The following ATP7A variants were observed in gnomAD, a reference collection of about 807,000 sequenced individuals.
ATP7A encodes the protein copper-transporting ATPase 1.
In ATP7A, 7 loss-of-function variants were observed where a neutral mutation model predicts 83.5. The ratio of observed to expected loss-of-function variants is 0.08; its 90% confidence interval spans 0.05 to 0.16. The LOEUF is 0.16. Ranked by LOEUF, ATP7A falls within the 10% of genes least tolerant of loss-of-function variation. The pLI is 1.00. For missense variants in ATP7A, 940 were observed against 1,120.8 expected, an observed-to-expected ratio of 0.84 and a Z score of 2.30; for synonymous variants, 354 against 395.2, an observed-to-expected ratio of 0.90 and a Z score of 1.24.
chrX:77,990,346 C>A (rs1459208212), intron 4 of ATP7A, among the ~76,000 whole-genome samples: 7 of 111,693 alleles, frequency 6.3e-5, no homozygotes, highest in Admixed American at 9.5e-5. Flanking sequence ...TGAATTTACG[C>A]CATGTATATA....
chrX:78,045,660 A>G, intron 22 of ATP7A, 88 bp downstream of exon 22: 1 of 868,876 alleles, frequency 1.2e-6, no homozygotes, highest in Non-Finnish European at 1.7e-6. Context: ...GTATTGATCA[A>G]TGATAAGCCC....
At position 78,045,518 on chromosome X, in the gene ATP7A, C is replaced by T; in HGVS notation, c.4172C>T (p.Ala1391Val). Reference protein sequence around the residue: ...GLVLQPWMGSAAMAASSVSVV... With the variant: ...GLVLQPWMGSVAMAASSVSVV... ...GTTTTGCAGCCCTGGATGGGATCTG[C>T]AGCAATGGCTGCTTCATCTGTTTCT... Residue 1391 changes from alanine to valine, a missense_variant, in exon 22 of 23, where the codon GCA becomes GTA. Ala to Val is a moderately conservative substitution (Grantham distance 64). Around this residue, in one of 3 missense-constraint regions of ATP7A, gnomAD observed 386 missense variants for 502.2 expected, o/e 0.77. Transcript: ENST00000341514. 3.3e-6 allele frequency: 4 copies of T among 1,211,652 alleles called. No individual in the cohort carries two copies. The highest frequency in any genetic ancestry group is 2.2e-5 in the Admixed American group (1 of 46,094).
At chrX:78,011,803 C>A (rs782352523) in intron 9 of ATP7A, 129 bp downstream of exon 9, 1 of 659,610 alleles carries the variant, frequency 1.5e-6, no homozygotes, top group Non-Finnish European at 2.5e-6. Flanking sequence ...ATATGCTTTA[C>A]AAAAATAATC....
At chrX:77,958,205 C>T (rs1000091431) in intron 1 of ATP7A, among the ~76,000 whole-genome samples, 5 of 111,205 alleles carry the variant, frequency 4.5e-5, no homozygotes, top group South Asian at 3.8e-4. Flanking sequence ...GGCATACCTT[C>T]GCTTTCTGCC....
chrX:77,913,285 G>A (rs1557222130), intron 1 of ATP7A, among the ~76,000 whole-genome samples: 1 of 111,433 alleles, frequency 9.0e-6, no homozygotes, highest in East Asian at 2.8e-4. Flanking sequence ...GATGAGAATA[G>A]TATTTGGGAG....
chrX:77,988,851 A>T (rs1166290244), intron 3 of ATP7A, 120 bp downstream of exon 3: 1 of 884,993 alleles, frequency 1.1e-6, no homozygotes, highest in Non-Finnish European at 1.6e-6. Context: ...TTGCTGTATC[A>T]TTGAGGTACA....
At chrX:77,922,701 C>T (rs1205802514) in intron 1 of ATP7A, among the ~76,000 whole-genome samples, 1 of 111,231 alleles carries the variant, frequency 9.0e-6, no homozygotes, top group Non-Finnish European at 1.9e-5. Flanking sequence ...TTATTTCTTA[C>T]ATTTGGGGAG....
At chrX:77,965,441 A>C (rs1557228589) in intron 1 of ATP7A, 1 of 324,598 alleles carries the variant, frequency 3.1e-6, no homozygotes, top group Non-Finnish European at 6.0e-6. Context: ...GTAATCAGAG[A>C]AATGTGAATC....
intron 7 of ATP7A, 128 bp downstream of exon 7, chrX:78,009,391 A>G (rs1336026886): frequency 1.3e-6 from 1 of 795,075 alleles, no homozygotes; most frequent in Non-Finnish European, 1.9e-6. Flanking sequence ...TTCAAACAAG[A>G]TCTGTCTCAA....
chrX:77,986,188 A>G (rs1569549541), intron 2 of ATP7A, among the ~76,000 whole-genome samples: 1 of 111,929 alleles, frequency 8.9e-6, no homozygotes, highest in African/African-American at 3.2e-5. Flanking sequence ...AGAACCAGCT[A>G]GCCAACTAGA....
At chrX:78,029,207 C>A (rs1256886466) in intron 14 of ATP7A, 43 bp from the exon 15 acceptor site, 1 of 1,153,950 alleles carries the variant, frequency 8.7e-7, no homozygotes, top group Admixed American at 2.2e-5. Context: ...TTGTTTTGTA[C>A]AGCTCTAAAT....
intron 1 of ATP7A, among the ~76,000 whole-genome samples, chrX:77,938,831 C>G (rs1047859012): frequency 3.6e-5 from 4 of 111,818 alleles, no homozygotes; most frequent in African/African-American, 1.3e-4. Context: ...ACATGTGTGT[C>G]TGTCCATGTC....
Position 77,969,557 on chromosome X carries a change from C to G in ATP7A, c.-21-2064C>G, listed in dbSNP as rs782554141. 34 of 1,210,202 alleles carry G rather than the reference C, an allele frequency of 2.8e-5. No homozygotes were observed. Among genetic ancestry groups the G allele is most frequent in the Non-Finnish European group, 3.8e-5 (34 of 895,314 alleles). On this transcript the variant is annotated intron_variant, in intron 1 of 22. Transcript: ENST00000341514. ...TCGTGGCCCGCCGGGCTCAGATCGGCGTCGTACCAGCAGCTGAAGCGGTTC... is the reference window on the plus strand; with the variant it reads ...TCGTGGCCCGCCGGGCTCAGATCGGGGTCGTACCAGCAGCTGAAGCGGTTC...
intron 14 of ATP7A, among the ~76,000 whole-genome samples, chrX:78,028,062 G>T (rs1038192656): frequency 9.2e-6 from 1 of 109,038 alleles, no homozygotes; most frequent in African/African-American, 3.3e-5. Flanking sequence ...TCGCTCTGTT[G>T]CCCAGGCAGG....
intron 12 of ATP7A, among the ~76,000 whole-genome samples, chrX:78,018,624 C>T (rs2077884553): frequency 8.9e-6 from 1 of 112,341 alleles, no homozygotes; most frequent in Non-Finnish European, 1.9e-5. Flanking sequence ...TGCCCATTAC[C>T]CAGTTCCAAA....
At chrX:78,033,319 C>A (rs782625197) in intron 16 of ATP7A, among the ~76,000 whole-genome samples, 16 of 112,238 alleles carry the variant, frequency 1.4e-4, no homozygotes, top group Non-Finnish European at 2.8e-4. Flanking sequence ...TTTTGGCCAG[C>A]CTGGTCCCTC....
intron 18 of ATP7A, among the ~76,000 whole-genome samples, chrX:78,039,418 C>A (rs782364353): frequency 1.6e-4 from 18 of 111,090 alleles, no homozygotes; most frequent in Admixed American, 9.6e-5. Flanking sequence ...CTGCAACCTC[C>A]GCCTCCTGGG....
At position 77,989,345 on chromosome X, in the gene ATP7A, G is replaced by T; in HGVS notation, c.723G>T (p.Gln241His). Reference protein sequence around the residue: ...AMGFPAFVKKQPKYLKLGAID... With the variant: ...AMGFPAFVKKHPKYLKLGAID... ...GCTTTCCAGCATTTGTCAAAAAGCAGCCCAAGTACCTCAAATTGGGAGCTA... is the reference window on the plus strand; with the variant it reads ...GCTTTCCAGCATTTGTCAAAAAGCATCCCAAGTACCTCAAATTGGGAGCTA... Residue 241 changes from glutamine to histidine, a missense_variant, in exon 4 of 23, where the codon CAG (glutamine) becomes CAT (histidine). Physicochemically the swap from Gln to His is conservative, Grantham distance 24 (BLOSUM62 0). Around this residue, in one of 3 missense-constraint regions of ATP7A, gnomAD observed 350 missense variants for 432.8 expected, o/e 0.81. Coordinates refer to ENST00000341514, the MANE Select transcript of ATP7A (RefSeq NM_000052.7). 8.3e-7 allele frequency: 1 copy of T among 1,211,586 alleles called. No homozygotes were observed. The highest frequency in any genetic ancestry group is 1.1e-6 in the Non-Finnish European group (1 of 895,434).
chrX:78,007,160 C>G (rs1218095548), intron 6 of ATP7A, among the ~76,000 whole-genome samples: 4 of 111,884 alleles, frequency 3.6e-5, no homozygotes, highest in African/African-American at 1.3e-4. Context: ...GTTCCATATG[C>G]ATGTCAACAC....
Sources: gnomAD v4.1 joint callset for allele counts (sites outside exome capture counted in the v4.1 genomes callset) on GRCh38, gnomAD v4.1.1 for gene constraint, gnomAD v4.1.1 regional missense constraint, MANE v1.5 for transcripts, NCBI Gene and HGNC (gene_info 2026-07-23, HGNC 2026-07-21) for gene names.